Variants in SEPTIN10 observed in about 807,000 individuals in gnomAD.
SEPTIN10 encodes septin-10.
A neutral mutation model predicts 54.8 loss-of-function variants in SEPTIN10; 66 were observed. The observed-to-expected ratio is 1.21, with a 90% confidence interval of 0.99 to 1.48. SEPTIN10 has a LOEUF of 1.48. Among genes scored for constraint, SEPTIN10 ranks in the 40% most tolerant of loss-of-function variants. The pLI is 0.00. For synonymous variants in SEPTIN10, 161 were observed against 181.0 expected (o/e 0.89, Z 0.89); for missense variants, 620 against 545.6 (o/e 1.14, Z -1.36).
chr2:109,567,968 AAT>A lies in SEPTIN10; in HGVS notation c.607_608del (p.Ile203TyrfsTer12). The A allele has an allele frequency of 6.3e-7, 1 of 1,595,754 alleles. No individual in the cohort carries two copies. The highest frequency in any genetic ancestry group is 1.1e-5 in the South Asian group (1 of 87,974). On this transcript the variant is annotated frameshift_variant, in exon 6 of 11. Coordinates refer to ENST00000397712, the MANE Select transcript of SEPTIN10 (RefSeq NM_144710.5). LOFTEE classifies it high-confidence loss of function. The stretch of plus-strand genomic sequence containing the variant: ...TATCTGCTTTGGCAATCACTGGTAT[AAT>A]GTTTACCTATTAAGAATAAAGAAAA... ...TMKNLDSKVN[I>X]IPVIAKADTV... is the part of the protein sequence containing the mutation.
chr2:109,612,939 A>T (rs1437462715), intron 1 of SEPTIN10, among the ~76,000 whole-genome samples: 1 of 152,246 alleles, frequency 6.6e-6, no homozygotes, highest in Non-Finnish European at 1.5e-5. Flanking sequence ...CTTCTCATGT[A>T]GGAGGTTGCT....
chr2:109,584,618 A>G (rs1692043118), intron 4 of SEPTIN10, among the ~76,000 whole-genome samples: 1 of 152,102 alleles, frequency 6.6e-6, no homozygotes, highest in South Asian at 2.1e-4. Context: ...ATACGACCTT[A>G]GGAGAAATAT....
intron 8 of SEPTIN10, among the ~76,000 whole-genome samples, chr2:109,558,892 C>CTT (rs148332223): frequency 2.4e-4 from 35 of 147,792 alleles, no homozygotes; most frequent in South Asian, 2.2e-4. Context: ...GATATAAATT[C>CTT]TTTTTTTTTT....
intron 1 of SEPTIN10, among the ~76,000 whole-genome samples, chr2:109,612,114 C>T (rs1699384037): frequency 6.6e-6 from 1 of 151,846 alleles, no homozygotes; most frequent in Non-Finnish European, 1.5e-5. Context: ...ACAATCATAC[C>T]ATGGAATACT....
chr2:109,543,224 A>C lies in SEPTIN10; in HGVS notation c.*1085T>G, dbSNP rs1680394972. The stretch of plus-strand genomic sequence containing the variant: ...ATTTTCTTAAAAAGTATTTTTAATA[A>C]AATGATTCAACCTTATTATTTTTAC... On this transcript the variant is annotated 3_prime_UTR_variant, in exon 11 of 11. Coordinates refer to ENST00000397712, the MANE Select transcript of SEPTIN10 (RefSeq NM_144710.5). 6.6e-6 allele frequency: 1 copy of C among 152,618 alleles called. No homozygotes were observed. Among genetic ancestry groups the C allele is most frequent in the African/African-American group, 2.4e-5 (1 of 41,468 alleles). 9.5% of individuals were successfully genotyped at this position (152,618 alleles called of 1,614,324 possible).
At chr2:109,598,190 G>A (rs1558876712) in intron 1 of SEPTIN10, among the ~76,000 whole-genome samples, 1 of 151,892 alleles carries the variant, frequency 6.6e-6, no homozygotes, top group Non-Finnish European at 1.5e-5. Flanking sequence ...AGCCTCCCAA[G>A]TAGAGTAGCT....
intron 8 of SEPTIN10, among the ~76,000 whole-genome samples, chr2:109,555,030 G>C (rs1196418948): frequency 6.6e-6 from 1 of 152,104 alleles, no homozygotes; most frequent in African/African-American, 2.4e-5. Context: ...AGCCGAACCT[G>C]ATCTTTGTGA....
chr2:109,591,844 C>G (rs1440456911), intron 2 of SEPTIN10, among the ~76,000 whole-genome samples: 1 of 151,732 alleles, frequency 6.6e-6, no homozygotes, highest in Non-Finnish European at 1.5e-5. Context: ...GTTGAGTGAG[C>G]CGAGATTGCA....
At chr2:109,552,822 T>G in intron 9 of SEPTIN10, 2 of 370,588 alleles carry the variant, frequency 5.4e-6, no homozygotes, top group Non-Finnish European at 9.7e-6. Context: ...AGAGGGTAGC[T>G]GCTGCAGCTT....
At chr2:109,606,672 CTTTTTTTT>C (rs34414105) in intron 1 of SEPTIN10, among the ~76,000 whole-genome samples, 11 of 71,896 alleles carry the variant, frequency 1.5e-4, no homozygotes, top group Non-Finnish European at 2.4e-4. Flanking sequence ...AAATTTTAAG[CTTTTTTTT>C]TTTTTTTTTT....
Position 109,567,809 on chromosome 2 carries a change from G to A in SEPTIN10, c.762+6C>T, listed in dbSNP as rs1687381623. On this transcript the variant is annotated splice_donor_region_variant and intron_variant, in intron 6 of 10. Coordinates refer to ENST00000397712, the MANE Select transcript of SEPTIN10 (RefSeq NM_144710.5). ...AAACAGAATTAACATTCAATCAGGAGCTCACATTCATTGCAGCGTTGACCT... is the reference window on the plus strand; with the variant it reads ...AAACAGAATTAACATTCAATCAGGAACTCACATTCATTGCAGCGTTGACCT... The A allele has an allele frequency of 6.4e-7, 1 of 1,573,224 alleles. No homozygotes were observed. The highest frequency in any genetic ancestry group is 8.6e-7 in the Non-Finnish European group (1 of 1,160,510).
At chr2:109,581,203 G>T (rs1691030661) in intron 4 of SEPTIN10, among the ~76,000 whole-genome samples, 1 of 152,146 alleles carries the variant, frequency 6.6e-6, no homozygotes, top group South Asian at 2.1e-4. Flanking sequence ...ACTTTGGGAG[G>T]CTGAGGTGGG....
chr2:109,580,070 T>C (rs1178991985), intron 4 of SEPTIN10, among the ~76,000 whole-genome samples: 2 of 151,816 alleles, frequency 1.3e-5, no homozygotes, highest in East Asian at 1.9e-4. Context: ...GCAATGAGCC[T>C]AGATCGCACC....
chr2:109,554,518 CA>C (rs1265281769), intron 8 of SEPTIN10, among the ~76,000 whole-genome samples: 25 of 152,128 alleles, frequency 1.6e-4, no homozygotes, highest in Admixed American at 1.3e-4. Context: ...ACACTCACAC[CA>C]CCCCCACCCA....
At chr2:109,556,717 C>T (rs1327969704) in intron 8 of SEPTIN10, among the ~76,000 whole-genome samples, 1 of 151,998 alleles carries the variant, frequency 6.6e-6, no homozygotes, top group East Asian at 1.9e-4. Flanking sequence ...TAGAAACCTC[C>T]CTACATTTCA....
intron 8 of SEPTIN10, among the ~76,000 whole-genome samples, chr2:109,557,222 A>T (rs182567280): frequency 1.3e-5 from 2 of 152,312 alleles, no homozygotes; most frequent in East Asian, 1.9e-4. Context: ...CATAACAAAC[A>T]TAAGTTTTTT....
chr2:109,545,969 G>T (rs775155617), intron 10 of SEPTIN10, 81 bp downstream of exon 10: 66 of 1,493,680 alleles, frequency 4.4e-5, no homozygotes, highest in Non-Finnish European at 5.9e-5. Flanking sequence ...GGAAGCAGAA[G>T]TAAGAAGCGC....
chr2:109,613,634 A>T, intron 1 of SEPTIN10, 164 bp downstream of exon 1: 1 of 411,084 alleles, frequency 2.4e-6, no homozygotes, highest in Non-Finnish European at 3.8e-6. Context: ...CTCCCGCCCC[A>T]GGCGCCCGGC....
intron 2 of SEPTIN10, among the ~76,000 whole-genome samples, chr2:109,591,723 C>T (rs1312766010): frequency 1.3e-5 from 2 of 151,972 alleles, no homozygotes; most frequent in South Asian, 2.1e-4. Context: ...ACGAGCAAAA[C>T]CCCGTCTCTA....
Sources: allele counts gnomAD v4.1 joint callset (sites outside exome capture counted in the v4.1 genomes callset), GRCh38; gene constraint gnomAD v4.1.1; transcripts MANE v1.5; gene names NCBI Gene and HGNC (gene_info 2026-07-23, HGNC 2026-07-21).